The following MECOM variants were observed in gnomAD, a reference collection of about 807,000 sequenced individuals.
MECOM encodes the protein MDS1 and EVI1 complex locus.
A neutral mutation model predicts 116.3 loss-of-function variants in MECOM; 13 were observed. The observed-to-expected ratio is 0.11, with a 90% CI of 0.07 to 0.18. The LOEUF (loss-of-function observed/expected upper bound fraction) is 0.18. Among genes scored for constraint, MECOM ranks in the 10% least tolerant of loss-of-function variants. The pLI is 1.00. For synonymous variants in MECOM, 528 were observed against 535.2 expected, an observed-to-expected ratio of 0.99 and a Z score of 0.19; for missense variants, 1,299 against 1,509.0, an observed-to-expected ratio of 0.86 and a Z score of 2.31.
chr3:169,340,489 T>C (rs994118598), intron 2 of MECOM, among the ~76,000 whole-genome samples: 1 of 152,204 alleles, frequency 6.6e-6, no homozygotes, highest in Non-Finnish European at 1.5e-5. Context: ...TAAACTGAGA[T>C]AGAACTGTCA....
chr3:169,150,213 G>C (rs1317184598), intron 2 of MECOM, among the ~76,000 whole-genome samples: 1 of 152,164 alleles, frequency 6.6e-6, no homozygotes, highest in South Asian at 2.1e-4. Context: ...TAGAAGACCT[G>C]ATCCATCTTC....
chr3:169,119,597 C>T (rs1730312171), intron 7 of MECOM, among the ~76,000 whole-genome samples: 1 of 152,078 alleles, frequency 6.6e-6, no homozygotes, highest in Non-Finnish European at 1.5e-5. Flanking sequence ...GATCAGAATT[C>T]CTTGTGGTTT....
intron 1 of MECOM, among the ~76,000 whole-genome samples, chr3:169,590,198 A>G (rs1172811951): frequency 2.0e-5 from 3 of 152,250 alleles, no homozygotes; most frequent in East Asian, 3.8e-4. Flanking sequence ...TTTTTCTAAC[A>G]TGCTACATCT....
At chr3:169,538,945 T>G (rs1759726925) in intron 1 of MECOM, among the ~76,000 whole-genome samples, 1 of 151,924 alleles carries the variant, frequency 6.6e-6, no homozygotes, top group Non-Finnish European at 1.5e-5. Flanking sequence ...TATGTACTTA[T>G]AACACAGAGA....
intron 1 of MECOM, among the ~76,000 whole-genome samples, chr3:169,508,008 C>T (rs771257544): frequency 3.3e-5 from 5 of 152,124 alleles, no homozygotes; most frequent in Non-Finnish European, 7.3e-5. Context: ...TGTTTAGCCT[C>T]TTAAATCACA....
chr3:169,569,005 T>C (rs1211244854), intron 1 of MECOM, among the ~76,000 whole-genome samples: 5 of 152,040 alleles, frequency 3.3e-5, no homozygotes, highest in Admixed American at 2.0e-4. Context: ...TAACCTTAAA[T>C]ATAAACAGGC....
At chr3:169,139,358 C>T (rs903934470) in intron 3 of MECOM, among the ~76,000 whole-genome samples, 1 of 152,042 alleles carries the variant, frequency 6.6e-6, no homozygotes, top group Non-Finnish European at 1.5e-5. Flanking sequence ...TTTCTGAGAA[C>T]TTTATTCTAC....
chr3:169,148,831 G>A (rs1345371), intron 2 of MECOM, among the ~76,000 whole-genome samples: 1 of 152,208 alleles, frequency 6.6e-6, no homozygotes, highest in African/African-American at 2.4e-5. Flanking sequence ...AAAATGACAA[G>A]AGGTGGTGAC....
intron 8 of MECOM, among the ~76,000 whole-genome samples, chr3:169,114,989 TC>T (rs1010181259): frequency 2.0e-5 from 3 of 152,060 alleles, no homozygotes; most frequent in East Asian, 1.9e-4. Flanking sequence ...CTGTTAGATA[TC>T]CCCCCCATTC....
intron 2 of MECOM, among the ~76,000 whole-genome samples, chr3:169,328,297 A>G (rs1384776287): frequency 1.3e-5 from 2 of 152,194 alleles, no homozygotes; most frequent in Non-Finnish European, 2.9e-5. Flanking sequence ...AAGTAACTGC[A>G]TTTATTTGGA....
At chr3:169,188,918 G>A (rs1747128820) in intron 2 of MECOM, among the ~76,000 whole-genome samples, 1 of 152,020 alleles carries the variant, frequency 6.6e-6, no homozygotes, top group African/African-American at 2.4e-5. Flanking sequence ...TTGCAGCTCT[G>A]CCCATATTTC....
At chr3:169,121,441 C>T (rs909531532) in intron 6 of MECOM, among the ~76,000 whole-genome samples, 7 of 152,176 alleles carry the variant, frequency 4.6e-5, no homozygotes, top group Admixed American at 1.3e-4. Flanking sequence ...TCAGTTGAAC[C>T]AAATAATGAA....
At chr3:169,112,742 A>G (rs1189513126) in intron 9 of MECOM, 45 bp downstream of exon 9, 3 of 1,448,482 alleles carry the variant, frequency 2.1e-6, no homozygotes, top group South Asian at 1.2e-5. Context: ...TTCAGGATCA[A>G]CAAGTTAGTT....
chr3:169,424,290 T>G (rs2108519924), intron 1 of MECOM, among the ~76,000 whole-genome samples: 1 of 152,274 alleles, frequency 6.6e-6, no homozygotes, highest in South Asian at 2.1e-4. Flanking sequence ...CATGATGCTC[T>G]GGTTTAAAAG....
chr3:169,272,285 G>A (rs1759045495), intron 2 of MECOM, among the ~76,000 whole-genome samples: 1 of 152,168 alleles, frequency 6.6e-6, no homozygotes. Flanking sequence ...ATTCATGGGA[G>A]TCAAAGAGAA....
intron 1 of MECOM, among the ~76,000 whole-genome samples, chr3:169,426,786 T>C (rs1465709859): frequency 6.6e-6 from 1 of 152,166 alleles, no homozygotes; most frequent in Non-Finnish European, 1.5e-5. Flanking sequence ...TTCTTCCAAA[T>C]GCAAAATCAT....
rs145537160 is a variant in MECOM at position 169,312,455 on chromosome 3, G to A, written c.375+68732C>T. ...GCGATCTCGGCTCACTGCAAGCTCC[G>A]CCTCCAGGGTTCACGCCATTCTCCT... On this transcript the variant is annotated intron_variant, in intron 2 of 16. Coordinates refer to ENST00000651503, the MANE Select transcript of MECOM (RefSeq NM_004991.4). 9.2e-3 allele frequency among the ~76,000 whole-genome samples: 1,303 copies of A among 141,690 alleles called. 16 individuals carry two copies. The highest frequency in any genetic ancestry group is 0.032 in the African/African-American group (1,232 of 37,958). 93.0% of individuals were successfully genotyped at this position (141,690 alleles called of 152,430 possible). A position where few individuals can be genotyped will look rare whatever the true frequency, so the allele number is the denominator to read the frequency against.
chr3:169,535,455 G>C (rs547557394), intron 1 of MECOM, among the ~76,000 whole-genome samples: 11 of 152,116 alleles, frequency 7.2e-5, no homozygotes, highest in Non-Finnish European at 1.2e-4. Flanking sequence ...TGCAGCCTCA[G>C]CCCTTACTTT....
intron 2 of MECOM, among the ~76,000 whole-genome samples, chr3:169,268,881 T>C (rs1758607447): frequency 6.6e-6 from 1 of 151,962 alleles, no homozygotes; most frequent in African/African-American, 2.4e-5. Flanking sequence ...TGTTTAAGAG[T>C]TTCAGGTGGG....
Sources: allele counts gnomAD v4.1 joint callset (sites outside exome capture counted in the v4.1 genomes callset), GRCh38; gene constraint gnomAD v4.1.1; transcripts MANE v1.5; gene names NCBI Gene and HGNC (gene_info 2026-07-23, HGNC 2026-07-21).